Variants in LINGO2 observed in about 807,000 individuals in gnomAD.
LINGO2 encodes leucine-rich repeat and immunoglobulin-like domain-containing nogo receptor-interacting protein 2.
LINGO2 carries 14 observed loss-of-function variants against 30.6 expected under a neutral mutation model. That is an observed-to-expected ratio of 0.46 (90% CI 0.30 to 0.72). The LOEUF (loss-of-function observed/expected upper bound fraction) is 0.72. Among genes scored for constraint, LINGO2 ranks in the 30% least tolerant of loss-of-function variants. The probability of loss-of-function intolerance (pLI) is 0.07; values close to 1 mark genes in which losing one functional copy is unlikely to be tolerated. For missense variants in LINGO2, 729 were observed against 751.7 expected (o/e 0.97, Z 0.35); for synonymous variants, 317 against 288.5 (o/e 1.10, Z -1.00).
At chr9:28,178,379 A>G (rs1295731520) in intron 4 of LINGO2, among the ~76,000 whole-genome samples, 5 of 152,154 alleles carry the variant, frequency 3.3e-5, no homozygotes, top group Non-Finnish European at 7.3e-5. Context: ...TATATAAATG[A>G]AATATACATT....
the LINGO2 span, among the ~76,000 whole-genome samples, chr9:29,027,200 G>A: frequency 6.6e-6 from 1 of 152,154 alleles, no homozygotes; most frequent in East Asian, 1.9e-4. Flanking sequence ...TCAACTTACT[G>A]CATCAGAAAG....
At chr9:28,884,761 A>G in the LINGO2 span, among the ~76,000 whole-genome samples, 6 of 49,224 alleles carry the variant, frequency 1.2e-4, no homozygotes, top group Non-Finnish European at 2.4e-4. Flanking sequence ...CACATTATAT[A>G]TAGTGTGTGT....
the LINGO2 span, among the ~76,000 whole-genome samples, chr9:28,987,080 T>G: frequency 2.0e-5 from 3 of 150,826 alleles, no homozygotes; most frequent in African/African-American, 7.3e-5. Context: ...AGGTTTTTTT[T>G]TTTTTTTTTT....
At chr9:28,507,818 G>A (rs942234175) in intron 1 of LINGO2, among the ~76,000 whole-genome samples, 5 of 152,054 alleles carry the variant, frequency 3.3e-5, no homozygotes, top group Admixed American at 3.3e-4. Flanking sequence ...TTTCTCATAT[G>A]TTATAATCAG....
intron 4 of LINGO2, among the ~76,000 whole-genome samples, chr9:28,237,120 G>GT (rs1056325193): frequency 7.1e-6 from 1 of 141,116 alleles, no homozygotes; most frequent in Non-Finnish European, 1.5e-5. Context: ...AACAGTGCGG[G>GT]GGGGGGGTAA....
chr9:28,763,751 G>C, the LINGO2 span, among the ~76,000 whole-genome samples: 14 of 151,242 alleles, frequency 9.3e-5, no homozygotes, highest in South Asian at 2.9e-3. Context: ...GTGAAAAACT[G>C]AACAAAACTG....
intron 5 of LINGO2, among the ~76,000 whole-genome samples, chr9:28,009,029 T>C (rs1365079561): frequency 6.6e-6 from 1 of 152,132 alleles, no homozygotes; most frequent in South Asian, 2.1e-4. Context: ...AAAGCAACAG[T>C]AATCAAAACA....
rs552369347 is a variant in LINGO2 at position 28,392,097 on chromosome 9, G to C, written c.-278-19229C>G. The stretch of plus-strand genomic sequence containing the variant: ...ACGTGCCTGTAGTCCCGGTTACTCG[G>C]GAGGCTGAGGCAGGAGAATCTCTTG... On this transcript the variant is annotated intron_variant, in intron 2 of 5. Coordinates refer to ENST00000379992, the Ensembl canonical transcript of LINGO2. Among the ~76,000 whole-genome samples the C allele has an allele frequency of 8.5e-5, 13 of 152,256 alleles. No individual in the cohort carries two copies. The East Asian group carries it at 1.7e-3, about 20-fold the overall frequency.
chr9:28,009,332 T>TA (rs1822433471), intron 5 of LINGO2, among the ~76,000 whole-genome samples: 1 of 145,342 alleles, frequency 6.9e-6, no homozygotes, highest in Non-Finnish European at 1.5e-5. Flanking sequence ...AAGATCTTCT[T>TA]ACAGTATCAA....
chr9:29,179,095 G>C, the LINGO2 span, among the ~76,000 whole-genome samples: 1 of 148,148 alleles, frequency 6.8e-6, no homozygotes, highest in South Asian at 2.1e-4. Flanking sequence ...AAGAGACCTT[G>C]TTAAAGATGC....
At chr9:28,790,325 CTTTT>C in the LINGO2 span, among the ~76,000 whole-genome samples, 8 of 106,298 alleles carry the variant, frequency 7.5e-5, no homozygotes, top group Admixed American at 2.1e-4. Context: ...TCTTTTCTTT[CTTTT>C]TTTTTTTTTT....
chr9:28,975,639 T>C, the LINGO2 span, among the ~76,000 whole-genome samples: 1 of 152,310 alleles, frequency 6.6e-6, no homozygotes, highest in South Asian at 2.1e-4. Flanking sequence ...AGAATTATAA[T>C]GGGTCTTAAT....
chr9:28,992,164 G>A, the LINGO2 span, among the ~76,000 whole-genome samples: 18,423 of 151,802 alleles, frequency 0.12, 1,108 homozygotes, highest in South Asian at 0.16. Flanking sequence ...TAAAAGGATG[G>A]AGGAAGATCT....
chr9:27,994,164 A>T (rs983647720), intron 5 of LINGO2, among the ~76,000 whole-genome samples: 7 of 152,064 alleles, frequency 4.6e-5, no homozygotes, highest in Admixed American at 3.9e-4. Flanking sequence ...ACTAAACGGA[A>T]ATTTATAGCA....
intron 5 of LINGO2, among the ~76,000 whole-genome samples, chr9:27,994,342 C>T (rs1033791111): frequency 3.3e-5 from 5 of 151,946 alleles, no homozygotes; most frequent in South Asian, 2.1e-4. Flanking sequence ...AGGAAAATTT[C>T]GTTTTTAAAA....
At chr9:28,961,313 C>G in the LINGO2 span, among the ~76,000 whole-genome samples, 2 of 152,076 alleles carry the variant, frequency 1.3e-5, no homozygotes, top group African/African-American at 4.8e-5. Context: ...AGGACTTAGG[C>G]AAATTCAGGC....
chr9:28,585,889 G>A (rs1824510165), intron 1 of LINGO2, among the ~76,000 whole-genome samples: 1 of 151,996 alleles, frequency 6.6e-6, no homozygotes, highest in African/African-American at 2.4e-5. Flanking sequence ...AATCATCTCA[G>A]TTGTGGCTCT....
chr9:27,961,259 T>G (rs1819831339), intron 5 of LINGO2, among the ~76,000 whole-genome samples: 2 of 152,278 alleles, frequency 1.3e-5, no homozygotes, highest in African/African-American at 4.8e-5. Flanking sequence ...TTGTAATAGG[T>G]TCATTGGGAT....
chr9:28,090,069 TA>T (rs1244999544), intron 4 of LINGO2, among the ~76,000 whole-genome samples: 2 of 152,008 alleles, frequency 1.3e-5, no homozygotes, highest in Non-Finnish European at 2.9e-5. Flanking sequence ...AGGCAATAAT[TA>T]ATAGCTTACC....
Sources: gnomAD v4.1 joint callset for allele counts (sites outside exome capture counted in the v4.1 genomes callset) on GRCh38, gnomAD v4.1.1 for gene constraint, MANE v1.5 for transcripts, NCBI Gene and HGNC (gene_info 2026-07-23, HGNC 2026-07-21) for gene names.